The following PDE1A variants were observed in gnomAD, a reference collection of about 807,000 sequenced individuals.
PDE1A encodes dual specificity calcium/calmodulin-dependent 3',5'-cyclic nucleotide phosphodiesterase 1A.
PDE1A carries 35 observed loss-of-function variants against 61.7 expected under a neutral mutation model. The observed-to-expected ratio is 0.57, with a 90% CI of 0.43 to 0.75. The LOEUF (loss-of-function observed/expected upper bound fraction) is 0.75, where lower values mean the gene tolerates loss of function less well. Ranked by LOEUF, PDE1A falls within the 30% of genes least tolerant of loss-of-function variation. PDE1A has a pLI of 0.00. For synonymous variants in PDE1A, 232 were observed against 213.2 expected, an observed-to-expected ratio of 1.09 and a Z score of -0.77; for missense variants, 597 against 630.6, an observed-to-expected ratio of 0.95 and a Z score of 0.57.
intron 2 of PDE1A, among the ~76,000 whole-genome samples, chr2:182,465,197 G>C (rs1686574739): frequency 6.6e-6 from 1 of 151,956 alleles, no homozygotes; most frequent in Non-Finnish European, 1.5e-5. Flanking sequence ...TGACAATTTT[G>C]AACTACCAAA....
intron 1 of PDE1A, among the ~76,000 whole-genome samples, chr2:182,351,883 T>C (rs1172133286): frequency 6.6e-6 from 1 of 152,164 alleles, no homozygotes; most frequent in Non-Finnish European, 1.5e-5. Flanking sequence ...ATTAAGAAAA[T>C]AGGTAGATGC....
At chr2:182,685,838 C>T in the PDE1A span, among the ~76,000 whole-genome samples, 1 of 152,180 alleles carries the variant, frequency 6.6e-6, no homozygotes, top group Non-Finnish European at 1.5e-5. Flanking sequence ...TTTCCACTTC[C>T]CTAACAAAAG....
At chr2:182,335,687 C>T (rs1273045386) in intron 1 of PDE1A, among the ~76,000 whole-genome samples, 2 of 152,114 alleles carry the variant, frequency 1.3e-5, no homozygotes, top group Non-Finnish European at 2.9e-5. Flanking sequence ...CTAGGCAATA[C>T]CATTGAGGAC....
chr2:182,554,146 A>T, the PDE1A span, among the ~76,000 whole-genome samples: 1 of 152,202 alleles, frequency 6.6e-6, no homozygotes, highest in Non-Finnish European at 1.5e-5. Flanking sequence ...GGCCTGAAGG[A>T]AGGCATCTCT....
At chr2:182,558,312 G>T in the PDE1A span, among the ~76,000 whole-genome samples, 2 of 151,580 alleles carry the variant, frequency 1.3e-5, no homozygotes, top group South Asian at 4.2e-4. Flanking sequence ...ATATTATGGC[G>T]TTTAAGATTT....
At chr2:182,671,738 G>T in the PDE1A span, among the ~76,000 whole-genome samples, 2 of 149,346 alleles carry the variant, frequency 1.3e-5, no homozygotes, top group Non-Finnish European at 3.0e-5. Context: ...TCCTACCTCA[G>T]CCTCCCAAGT....
At chr2:182,315,857 A>C (rs925203735) in intron 1 of PDE1A, among the ~76,000 whole-genome samples, 9 of 152,150 alleles carry the variant, frequency 5.9e-5, no homozygotes, top group African/African-American at 2.2e-4. Flanking sequence ...TTTTGCCCTT[A>C]AAGGGTTTGC....
chr2:182,240,688 G>A (rs1465872257), intron 2 of PDE1A, among the ~76,000 whole-genome samples: 2 of 152,148 alleles, frequency 1.3e-5, no homozygotes, highest in East Asian at 1.9e-4. Flanking sequence ...AAAAAAGGGG[G>A]ATTGAATCTA....
chr2:182,313,273 G>A (rs1696110453), intron 1 of PDE1A, among the ~76,000 whole-genome samples: 1 of 152,082 alleles, frequency 6.6e-6, no homozygotes, highest in South Asian at 2.1e-4. Context: ...AATTAGCCAG[G>A]TGTGGTGGTG....
intron 2 of PDE1A, among the ~76,000 whole-genome samples, chr2:182,444,199 G>A (rs1241313857): frequency 1.3e-5 from 2 of 152,102 alleles, no homozygotes; most frequent in Non-Finnish European, 2.9e-5. Flanking sequence ...GAAGTTTTAA[G>A]TTCCTTTGCC....
At chr2:182,555,005 T>C in the PDE1A span, among the ~76,000 whole-genome samples, 7 of 152,352 alleles carry the variant, frequency 4.6e-5, no homozygotes, top group African/African-American at 1.7e-4. Flanking sequence ...ATTGAATCTA[T>C]AAAGCCCTGT....
At chr2:182,580,803 G>A in the PDE1A span, among the ~76,000 whole-genome samples, 3 of 152,086 alleles carry the variant, frequency 2.0e-5, no homozygotes, top group Middle Eastern at 3.4e-3. Context: ...GCTTGACACC[G>A]CTCAACAATG....
At chr2:182,501,343 C>G (rs936176432) in intron 2 of PDE1A, among the ~76,000 whole-genome samples, 1 of 152,168 alleles carries the variant, frequency 6.6e-6, no homozygotes, top group Admixed American at 6.5e-5. Context: ...AGGAAAAACC[C>G]TGTTATGAGT....
At chr2:182,467,233 T>G (rs1200952649) in intron 2 of PDE1A, among the ~76,000 whole-genome samples, 1 of 151,742 alleles carries the variant, frequency 6.6e-6, no homozygotes, top group Non-Finnish European at 1.5e-5. Flanking sequence ...TCACTACAGA[T>G]TTTATGGACA....
chr2:182,437,236 A>G (rs966869406), intron 2 of PDE1A, among the ~76,000 whole-genome samples: 4 of 152,140 alleles, frequency 2.6e-5, no homozygotes, highest in Middle Eastern at 3.4e-3. Flanking sequence ...CAGATTAGTA[A>G]ATGTGCAAAT....
At chr2:182,314,061 T>A (rs1310358686) in intron 1 of PDE1A, among the ~76,000 whole-genome samples, 1 of 152,204 alleles carries the variant, frequency 6.6e-6, no homozygotes, top group East Asian at 1.9e-4. Flanking sequence ...GAACACAATA[T>A]GTTAATACAC....
intron 7 of PDE1A, among the ~76,000 whole-genome samples, chr2:182,209,716 C>G (rs750495424): frequency 1.3e-5 from 2 of 152,048 alleles, no homozygotes; most frequent in East Asian, 2.0e-4. Flanking sequence ...TTCACTCCCT[C>G]TCTTGCCACC....
intron 7 of PDE1A, among the ~76,000 whole-genome samples, chr2:182,218,077 T>C (rs1191700983): frequency 1.3e-5 from 2 of 149,490 alleles, no homozygotes; most frequent in Non-Finnish European, 3.0e-5. Context: ...CACCATGGAA[T>C]ACTATGCAGC....
At chr2:182,609,812 G>A in the PDE1A span, among the ~76,000 whole-genome samples, 5 of 148,326 alleles carry the variant, frequency 3.4e-5, no homozygotes, top group African/African-American at 1.2e-4. Flanking sequence ...AAACGGATGG[G>A]GCACAGTGGT....
Sources: gnomAD v4.1 joint callset for allele counts (sites outside exome capture counted in the v4.1 genomes callset) on GRCh38, gnomAD v4.1.1 for gene constraint, MANE v1.5 for transcripts, NCBI Gene and HGNC (gene_info 2026-07-23, HGNC 2026-07-21) for gene names.